The following B4GALT3 variants were observed in gnomAD, a reference collection of about 807,000 sequenced individuals.
B4GALT3 encodes the protein N-acetyllactosamine synthase.
In B4GALT3, 29 loss-of-function variants were observed where a neutral mutation model predicts 40.7. The ratio of observed to expected loss-of-function variants is 0.71; its 90% CI spans 0.53 to 0.97. B4GALT3 has a LOEUF of 0.97. Among genes scored for constraint, B4GALT3 ranks in the 50% least tolerant of loss-of-function variants. The pLI is 0.00. For missense variants in B4GALT3, 390 were observed against 522.3 expected (o/e 0.75, Z 2.47); for synonymous variants, 182 against 203.9 (o/e 0.89, Z 0.92).
chr1:161,177,341 C>T (rs191623447), intron 1 of B4GALT3, 82 bp downstream of exon 1: 6 of 485,188 alleles, frequency 1.2e-5, no homozygotes, highest in Non-Finnish European at 1.9e-5. Flanking sequence ...CGTCTCCAGG[C>T]GTTACCCAAA....
In B4GALT3 at chr1:161,172,274, C is replaced by T. The variant is rs1275484954; in HGVS notation, c.861G>A (p.Lys287=). The T allele has an allele frequency of 6.2e-7, 1 of 1,614,152 alleles. No homozygotes were observed. The highest frequency in any genetic ancestry group is 2.2e-5 in the East Asian group (1 of 44,884). The stretch of plus-strand genomic sequence containing the variant: ...CCTTATCTCCTCGGTGCTTCACCAT[C>T]TTATAGTGTCCTACAGATGTGGGGG... ...SRPPTSVGHY[K]MVKHRGDKGN... is the part of the protein sequence containing the mutation. The change falls in exon 7 of 8, where the codon AAG becomes AAA. Residue 287 remains lysine, a synonymous_variant. Coordinates refer to ENST00000319769, the MANE Select transcript of B4GALT3 (RefSeq NM_003779.4).
In B4GALT3 at chr1:161,172,216, C is replaced by T; in HGVS notation, c.908+11G>A. The T allele has an allele frequency of 6.2e-7, 1 of 1,613,688 alleles. No individual in the cohort carries two copies. The highest frequency in any genetic ancestry group is 2.2e-5 in the East Asian group (1 of 44,872). ...AGTAACAATTCCCAGGCAGTCCTTCCTTCTTCCTACCTGTGGGGATTTTCC... is the reference window on the plus strand; with the variant it reads ...AGTAACAATTCCCAGGCAGTCCTTCTTTCTTCCTACCTGTGGGGATTTTCC... On this transcript the variant is annotated intron_variant, in intron 7 of 7. Transcript: ENST00000319769.
chr1:161,176,233 C>T, intron 2 of B4GALT3, 159 bp from the exon 3 acceptor site: 1 of 805,714 alleles, frequency 1.2e-6, no homozygotes, highest in South Asian at 1.8e-5. Flanking sequence ...CGCAAGGAAA[C>T]AGAATGTAAC....
At position 161,172,292 on chromosome 1, in the gene B4GALT3, T is replaced by C. The variant is rs1476428787; in HGVS notation, c.843A>G (p.Thr281=). Residue 281 remains threonine (T), a synonymous_variant, in exon 7 of 8, where the codon ACA becomes ACG. Transcript: ENST00000319769. Reference sequence around the variant, plus strand: ...TCACCATCTTATAGTGTCCTACAGATGTGGGGGGCCGAGAGATCTTCATCC... The same window carrying C: ...TCACCATCTTATAGTGTCCTACAGACGTGGGGGGCCGAGAGATCTTCATCC... ...LAGMKISRPP[T]SVGHYKMVKH... The C allele has an allele frequency of 1.9e-6, 3 of 1,613,986 alleles. No individual in the cohort carries two copies. The highest frequency in any genetic ancestry group is 1.7e-5 in the Admixed American group (1 of 59,998).
chr1:161,172,440 GAA>G, intron 6 of B4GALT3, 109 bp from the exon 7 acceptor site: 1 of 840,878 alleles, frequency 1.2e-6, no homozygotes, highest in Non-Finnish European at 1.8e-6. Context: ...GTAGGCAAAA[GAA>G]AAAAAAAGCC....
chr1:161,176,538 G>C lies in B4GALT3; in HGVS notation c.-119C>G, dbSNP rs1663587749. On this transcript the variant is annotated 5_prime_UTR_variant, in exon 2 of 8. Transcript: ENST00000319769. Reference sequence around the variant, plus strand: ...AATTGGAAATGTCACAGAGGGCAGAGAAAGGCTCCATCCAGCACTCCAGCA... The same window carrying C: ...AATTGGAAATGTCACAGAGGGCAGACAAAGGCTCCATCCAGCACTCCAGCA... The C allele has an allele frequency of 2.3e-6, 1 of 441,538 alleles. No individual in the cohort carries two copies. 27.4% of individuals were successfully genotyped at this position (441,538 alleles called of 1,614,324 possible).
At position 161,175,823 on chromosome 1, in the gene B4GALT3, G is replaced by A; in HGVS notation, c.238C>T (p.Arg80Ter). ...APQGLPYCPE[R>*]SPLLVGPVSV... The stretch of plus-strand genomic sequence containing the variant: ...CTGCACTTACCTAAGAGAGGAGATC[G>A]TTCTGGACAGTAGGGCAGACCTTGA... The change falls in exon 3 of 8, where the codon CGA becomes TGA. Residue 80 changes from arginine (R) to a stop codon, truncating the protein, a stop_gained. Coordinates refer to ENST00000319769, the MANE Select transcript of B4GALT3 (RefSeq NM_003779.4). LOFTEE classifies it high-confidence loss of function. The A allele has an allele frequency of 1.2e-6, 2 of 1,614,096 alleles. No individual in the cohort carries two copies. Among genetic ancestry groups the A allele is most frequent in the Non-Finnish European group, 1.7e-6 (2 of 1,180,010 alleles).
chr1:161,173,455 G>A, intron 6 of B4GALT3, 150 bp downstream of exon 6: 3 of 1,165,710 alleles, frequency 2.6e-6, no homozygotes, highest in Non-Finnish European at 3.7e-6. Context: ...AGCCTGACCT[G>A]GGTATCCTAA....
Position 161,171,608 on chromosome 1 carries a change from A to G in B4GALT3, c.*208T>C. Reference sequence around the variant, plus strand: ...ATGACATCAAGGATTCACAGTCATAAGCCCTACAGGAGACCCTAGAGAGAG... The same window carrying G: ...ATGACATCAAGGATTCACAGTCATAGGCCCTACAGGAGACCCTAGAGAGAG... On this transcript the variant is annotated 3_prime_UTR_variant, in exon 8 of 8. Transcript: ENST00000319769. 1 of 654,790 alleles carries G rather than the reference A, an allele frequency of 1.5e-6. No homozygotes were observed. The allele number at this position is 654,790 out of a possible 1,614,324, so 40.6% of individuals were successfully genotyped here. A position where few individuals can be genotyped will look rare whatever the true frequency, so the allele number is the denominator to read the frequency against.
rs756913433 is a variant in B4GALT3 at position 161,177,506 on chromosome 1, G to A, written c.-244C>T. 25 of 171,666 alleles carry A rather than the reference G, an allele frequency of 1.5e-4. No individual in the cohort carries two copies. The highest frequency in any genetic ancestry group is 2.9e-4 in the Non-Finnish European group (23 of 78,138). 10.6% of individuals were successfully genotyped at this position (171,666 alleles called of 1,614,324 possible). On this transcript the variant is annotated 5_prime_UTR_variant, in exon 1 of 8. Transcript: ENST00000319769. ...GCCATCTTGGAAGCGGGCGCTGCGGGGGCGGGGTCTCGCGTCATGGGGCGG... is the reference window on the plus strand; with the variant it reads ...GCCATCTTGGAAGCGGGCGCTGCGGAGGCGGGGTCTCGCGTCATGGGGCGG...
Position 161,175,971 on chromosome 1 carries a change from G to T in B4GALT3, c.90C>A (p.Gly30=), listed in dbSNP as rs2101974076. 6.2e-7 allele frequency: 1 copy of T among 1,614,094 alleles called. No individual in the cohort carries two copies. The highest frequency in any genetic ancestry group is 2.2e-5 in the East Asian group (1 of 44,866). ...LAVMMYLSLG[G]FRSLSALFGR... ...CAAATAGGGCACTGAGACTTCGGAA[G>T]CCCCCCAGTGACAGGTACATCATGA... Residue 30 remains glycine (G), a synonymous_variant, in exon 3 of 8, where the codon GGC becomes GGA. Coordinates refer to ENST00000319769, the MANE Select transcript of B4GALT3 (RefSeq NM_003779.4).
chr1:161,173,230 C>G (rs1209653815), intron 6 of B4GALT3, among the ~76,000 whole-genome samples: 1 of 152,196 alleles, frequency 6.6e-6, no homozygotes, highest in Non-Finnish European at 1.5e-5. Context: ...AGGCCTTTTA[C>G]AAAGCGATTC....
Position 161,173,729 on chromosome 1 carries a change from T to C in B4GALT3, c.681-2A>G, listed in dbSNP as rs1000092132. The C allele has an allele frequency of 1.9e-6, 3 of 1,613,876 alleles. No individual in the cohort carries two copies. Among genetic ancestry groups the C allele is most frequent in the Non-Finnish European group, 2.5e-6 (3 of 1,179,990 alleles). On this transcript the variant is annotated splice_acceptor_variant, in intron 5 of 7. Transcript: ENST00000319769. LOFTEE classifies it high-confidence loss of function. Reference sequence around the variant, plus strand: ...CCGAAGTACTGGGGGTACGGGAGGCTAGGGAGAGAAAGATCCTTGCATACC... The same window carrying C: ...CCGAAGTACTGGGGGTACGGGAGGCCAGGGAGAGAAAGATCCTTGCATACC...
Position 161,172,036 on chromosome 1 carries a change from G to T in B4GALT3, c.962C>A (p.Ser321Ter), listed in dbSNP as rs1661635426. The change falls in exon 8 of 8, where the codon TCA (serine) becomes TAA (stop). Residue 321 changes from serine (S) to a stop codon, truncating the protein, a stop_gained. Coordinates refer to ENST00000319769, the MANE Select transcript of B4GALT3 (RefSeq NM_003779.4). LOFTEE classifies it high-confidence loss of function. The stretch of plus-strand genomic sequence containing the variant: ...TCGAGCCAGCAACTGGTATGTCAGT[G>T]AGTTCATCCCATCTTGCGTCCAGGA... The part of the protein sequence containing the change: ...QNSWTQDGMN[S>*]LTYQLLAREL... 1 of 1,614,196 alleles carries T rather than the reference G, an allele frequency of 6.2e-7. No individual in the cohort carries two copies.
chr1:161,175,038 G>GA lies in B4GALT3; in HGVS notation c.443dup (p.Gln150AlafsTer21). The GA allele has an allele frequency of 6.2e-7, 1 of 1,613,996 alleles. No individual in the cohort carries two copies. ...CATAAGCAAGCTGCTGGCGCTGCAA[G>GA]AAGGGGTGCAGGTGGTAGAGCAGCA... On this transcript the variant is annotated frameshift_variant, in exon 4 of 8. Coordinates refer to ENST00000319769, the MANE Select transcript of B4GALT3 (RefSeq NM_003779.4). LOFTEE classifies it high-confidence loss of function.
At chr1:161,176,649 T>C in intron 1 of B4GALT3, 70 bp from the exon 2 acceptor site, 3 of 586,990 alleles carry the variant, frequency 5.1e-6, no homozygotes, top group South Asian at 2.1e-5. Flanking sequence ...GTGAAGCTGG[T>C]TTCCCAGCAG....
At position 161,172,099 on chromosome 1, in the gene B4GALT3, A is replaced by G. The variant is rs375516892; in HGVS notation, c.909-10T>C. 9 of 1,613,032 alleles carry G rather than the reference A, an allele frequency of 5.6e-6. No homozygotes were observed. In the African/African-American group the frequency reaches 1.2e-4, roughly 22 times the overall value. ...GACCAGGAGGTCAAATCTGAGGGTT[A>G]GAGGTTGGAGACTAAGACCCAGAAA... is the stretch of plus-strand genomic sequence containing the variant. On this transcript the variant is annotated splice_polypyrimidine_tract_variant and intron_variant, in intron 7 of 7. Coordinates refer to ENST00000319769, the MANE Select transcript of B4GALT3 (RefSeq NM_003779.4).
chr1:161,174,052 G>A lies in B4GALT3; in HGVS notation c.490-3C>T, dbSNP rs375281010. 46 of 1,612,378 alleles carry A rather than the reference G, an allele frequency of 2.9e-5. No individual in the cohort carries two copies. Among genetic ancestry groups the A allele is most frequent in the Non-Finnish European group, 6.8e-6 (8 of 1,179,146 alleles). ...CTGTTAAATGTTCCATTTCCAGCCT[G>A]GAAGATAATGGAGGGGAACCAGACT... On this transcript the variant is annotated splice_region_variant and splice_polypyrimidine_tract_variant and intron_variant, in intron 4 of 7. Transcript: ENST00000319769.
chr1:161,174,704 G>A (rs1405426151), intron 4 of B4GALT3, among the ~76,000 whole-genome samples: 2 of 152,172 alleles, frequency 1.3e-5, no homozygotes, highest in Admixed American at 6.5e-5. Context: ...TGTAACAAGT[G>A]ACGGAACTAG....
Sources: allele counts gnomAD v4.1 joint callset (sites outside exome capture counted in the v4.1 genomes callset), GRCh38; gene constraint gnomAD v4.1.1; transcripts MANE v1.5; gene names NCBI Gene and HGNC (gene_info 2026-07-23, HGNC 2026-07-21).